TGFBRAP1: variants seen among roughly 807,000 people sequenced by gnomAD.
TGFBRAP1 encodes the protein transforming growth factor-beta receptor-associated protein 1.
Under a neutral mutation model 83.2 loss-of-function variants are expected in TGFBRAP1, and 20 were observed. The observed-to-expected ratio is 0.24, with a 90% CI of 0.17 to 0.35. The LOEUF (loss-of-function observed/expected upper bound fraction) is 0.35, where lower values mean the gene tolerates loss of function less well. Ranked by LOEUF, TGFBRAP1 falls within the 10% of genes least tolerant of loss-of-function variation. The pLI is 1.00. For missense variants in TGFBRAP1, 950 were observed against 1,099.4 expected (o/e 0.86, Z 1.92); for synonymous variants, 415 against 459.8 (o/e 0.90, Z 1.25).
intron 1 of TGFBRAP1, among the ~76,000 whole-genome samples, chr2:105,309,239 C>A (rs977633439): frequency 1.3e-5 from 2 of 152,228 alleles, no homozygotes; most frequent in Non-Finnish European, 2.9e-5. Flanking sequence ...AAGGCACAGT[C>A]CCTGTGAGCG....
chr2:105,328,112 A>G (rs1260743026), intron 1 of TGFBRAP1, among the ~76,000 whole-genome samples: 1 of 152,228 alleles, frequency 6.6e-6, no homozygotes, highest in Admixed American at 6.5e-5. Flanking sequence ...ATTTCTTATT[A>G]GAATTCATGT....
rs1260140818 is a variant in TGFBRAP1, at chr2:105,264,991, G to T, written c.*2392C>A. Reference sequence around the variant, plus strand: ...TATGATTTGAGAAAAGGGCCTTGTAGGAGTGAGAGAAAGGTTAGAGAAAAG... The same window carrying T: ...TATGATTTGAGAAAAGGGCCTTGTATGAGTGAGAGAAAGGTTAGAGAAAAG... On this transcript the variant is annotated 3_prime_UTR_variant, in exon 12 of 12. Transcript: ENST00000393359. 6.6e-6 allele frequency: 1 copy of T among 152,284 alleles called. No homozygotes were observed. The highest frequency in any genetic ancestry group is 1.9e-4 in the East Asian group (1 of 5,180). The allele number at this position is 152,284 out of a possible 1,614,324, so 9.4% of individuals were successfully genotyped here.
Position 105,280,664 on chromosome 2 carries a change from G to A in TGFBRAP1, c.1181C>T (p.Ser394Phe), listed in dbSNP as rs749901522. The change falls in exon 6 of 12, where the codon TCC (serine) becomes TTC (phenylalanine). Residue 394 changes from serine (S) to phenylalanine (F), a missense_variant. Transcript: ENST00000393359. ...AGGGTGGGACCGGGTGAAGGAGGAG[G>A]AGGTGGGCAACAGGAAGGGGTAGAG... Reference protein sequence around the residue: ...ISLYPFLLPTSSSFTRSHPPL... With the variant: ...ISLYPFLLPTFSSFTRSHPPL... The A allele has an allele frequency of 2.5e-6, 4 of 1,614,200 alleles. No individual in the cohort carries two copies. Among genetic ancestry groups the A allele is most frequent in the Admixed American group, 3.3e-5 (2 of 60,022 alleles).
chr2:105,319,872 A>G (rs1161542900), intron 1 of TGFBRAP1, among the ~76,000 whole-genome samples: 1 of 150,420 alleles, frequency 6.6e-6, no homozygotes, highest in Non-Finnish European at 1.5e-5. Flanking sequence ...AGTGAAATAT[A>G]TATTTGTTAT....
intron 4 of TGFBRAP1, among the ~76,000 whole-genome samples, chr2:105,287,987 C>T (rs1027625966): frequency 6.6e-6 from 1 of 152,120 alleles, no homozygotes; most frequent in African/African-American, 2.4e-5. Context: ...GGTGGCTACA[C>T]CAACTCCTAG....
chr2:105,273,456 A>G lies in TGFBRAP1; in HGVS notation c.1812+88T>C, dbSNP rs145139113. On this transcript the variant is annotated intron_variant, in intron 9 of 11. Coordinates refer to ENST00000393359, the MANE Select transcript of TGFBRAP1 (RefSeq NM_004257.6). The stretch of plus-strand genomic sequence containing the variant: ...CGGATGGATCACCCAGGGAACAGAC[A>G]TTACACAGAATCACATGCCAAAAAG... 117 of 1,549,112 alleles carry G rather than the reference A, an allele frequency of 7.6e-5. No homozygotes were observed. In the African/African-American group the frequency reaches 1.1e-3, roughly 15 times the overall value.
the TGFBRAP1 span, among the ~76,000 whole-genome samples, chr2:105,259,341 G>A: frequency 0.07 from 10,620 of 152,194 alleles, 805 homozygotes; most frequent in East Asian, 0.32. Context: ...ACACAAACAC[G>A]CATGCTGTCT....
chr2:105,316,462 T>TGTGCGC (rs1177329674), intron 1 of TGFBRAP1, among the ~76,000 whole-genome samples: 86 of 84,802 alleles, frequency 1.0e-3, no homozygotes, highest in Middle Eastern at 0.011. Context: ...TGTGTGTGTG[T>TGTGCGC]GCGCGCGCGC....
chr2:105,296,129 T>C (rs1678079967), intron 4 of TGFBRAP1, among the ~76,000 whole-genome samples: 1 of 152,218 alleles, frequency 6.6e-6, no homozygotes, highest in Admixed American at 6.5e-5. Context: ...GTTAGAAGCC[T>C]GACTTCTCCA....
rs776152944 is a variant in TGFBRAP1 at position 105,269,682 on chromosome 2, G to T, written c.1996C>A (p.Pro666Thr). The change falls in exon 11 of 12, where the codon CCC becomes ACC. Residue 666 changes from proline to threonine, a missense_variant. Physicochemically the swap from Pro to Thr is conservative, Grantham distance 38 (BLOSUM62 -1). Coordinates refer to ENST00000393359, the MANE Select transcript of TGFBRAP1 (RefSeq NM_004257.6). The surrounding 1 kb of genome is among the most constrained non-coding windows in gnomAD (Gnocchi z 4.1). Reference protein sequence around the residue: ...LLERLQGAGLPMESAILHGKL... With the variant: ...LLERLQGAGLTMESAILHGKL... Reference sequence around the variant, plus strand: ...CCGTGCAGGATGGCGCTCTCCATGGGCAGGCCAGCTCCCTGCAGCCTCTCT... The same window carrying T: ...CCGTGCAGGATGGCGCTCTCCATGGTCAGGCCAGCTCCCTGCAGCCTCTCT... 1.3e-6 allele frequency: 2 copies of T among 1,560,756 alleles called. No homozygotes were observed. The highest frequency in any genetic ancestry group is 1.2e-5 in the South Asian group (1 of 83,822).
rs375981592 is a variant in TGFBRAP1, at chr2:105,311,162, C to CAA, written c.-17-2846_-17-2845dup. Among the ~76,000 whole-genome samples, 3 of 140,252 alleles carry CAA rather than the reference C, an allele frequency of 2.1e-5. No individual in the cohort carries two copies. The East Asian group carries it at 6.5e-4, about 30-fold the overall frequency. The allele number at this position is 140,252 out of a possible 152,430, so 92.0% of individuals were successfully genotyped here. A position where few individuals can be genotyped will look rare whatever the true frequency, so the allele number is the denominator to read the frequency against. ...GAGAGCTGTAAAAAAAAAAAAAAAA[C>CAA]AAAAAACAAAAAAACATATGGTTTA... On this transcript the variant is annotated intron_variant, in intron 1 of 11. Coordinates refer to ENST00000393359, the MANE Select transcript of TGFBRAP1 (RefSeq NM_004257.6).
chr2:105,269,720 C>T lies in TGFBRAP1; in HGVS notation c.1973-15G>A. On this transcript the variant is annotated splice_polypyrimidine_tract_variant and intron_variant, in intron 10 of 11. Transcript: ENST00000393359. This position sits in a 1 kb window ranked among gnomAD's most constrained non-coding sequence, Gnocchi z 4.1. ...CTGCAGCCTCTCTGCAAGACAGAAC[C>T]TGCAGCTCAGAAAGAAAGGGGCTCG... 1 of 1,500,210 alleles carries T rather than the reference C, an allele frequency of 6.7e-7. No homozygotes were observed. The highest frequency in any genetic ancestry group is 8.9e-7 in the Non-Finnish European group (1 of 1,126,326). 92.9% of individuals were successfully genotyped at this position (1,500,210 alleles called of 1,614,324 possible). A position where few individuals can be genotyped will look rare whatever the true frequency, so the allele number is the denominator to read the frequency against.
the TGFBRAP1 span, chr2:105,249,724 G>T: frequency 1.3e-5 from 2 of 152,198 alleles, no homozygotes; most frequent in African/African-American, 4.8e-5. Flanking sequence ...CCAAGAATTT[G>T]ATTACATTAA....
At chr2:105,321,352 A>G (rs1679059679) in intron 1 of TGFBRAP1, among the ~76,000 whole-genome samples, 1 of 151,542 alleles carries the variant, frequency 6.6e-6, no homozygotes, top group African/African-American at 2.4e-5. Flanking sequence ...ATTTTTAGTA[A>G]AGATGGGGTT....
the TGFBRAP1 span, among the ~76,000 whole-genome samples, chr2:105,249,960 C>T: frequency 2.6e-5 from 4 of 152,242 alleles, no homozygotes; most frequent in East Asian, 5.8e-4. Flanking sequence ...CATGTGTGTG[C>T]GTGCATGCAC....
intron 7 of TGFBRAP1, among the ~76,000 whole-genome samples, chr2:105,276,271 C>T (rs1489683428): frequency 1.3e-5 from 2 of 152,208 alleles, no homozygotes; most frequent in Non-Finnish European, 2.9e-5. Context: ...CAGCCAGAAA[C>T]TTCCCTACCA....
intron 1 of TGFBRAP1, among the ~76,000 whole-genome samples, chr2:105,322,671 T>C (rs368206578): frequency 1.3e-5 from 2 of 152,148 alleles, no homozygotes; most frequent in Admixed American, 1.3e-4. Context: ...CTAGGAACAA[T>C]AGGCCATACC....
chr2:105,299,998 C>T (rs1382646121), intron 2 of TGFBRAP1, among the ~76,000 whole-genome samples: 3 of 152,164 alleles, frequency 2.0e-5, no homozygotes, highest in African/African-American at 7.2e-5. Flanking sequence ...TCAACAGGCA[C>T]ATGTAACAAA....
At chr2:105,318,385 G>T (rs1431759859) in intron 1 of TGFBRAP1, among the ~76,000 whole-genome samples, 1 of 152,028 alleles carries the variant, frequency 6.6e-6, no homozygotes, top group African/African-American at 2.4e-5. Flanking sequence ...TGAAGCTGAG[G>T]GTTGCTTTTA....
Sources: allele counts gnomAD v4.1 joint callset (sites outside exome capture counted in the v4.1 genomes callset), GRCh38; gene constraint gnomAD v4.1.1; non-coding constraint Gnocchi (gnomAD v3.1); transcripts MANE v1.5; gene names NCBI Gene and HGNC (gene_info 2026-07-23, HGNC 2026-07-21).